The following SNX18 variants were observed in gnomAD, a reference collection of about 807,000 sequenced individuals.
SNX18 encodes sorting nexin 18.
In SNX18, 35 loss-of-function variants were observed where a neutral mutation model predicts 48.7. That is an observed-to-expected ratio of 0.72 (90% CI 0.55 to 0.95). The LOEUF is 0.95. Among genes scored for constraint, SNX18 ranks in the 40% least tolerant of loss-of-function variants. The pLI is 0.00. For missense variants in SNX18, 824 were observed against 871.0 expected, an observed-to-expected ratio of 0.95 and a Z score of 0.68; for synonymous variants, 492 against 384.7, an observed-to-expected ratio of 1.28 and a Z score of -3.26.
chr5:54,571,231 G>A, the SNX18 span, among the ~76,000 whole-genome samples: 2 of 152,082 alleles, frequency 1.3e-5, no homozygotes, highest in Non-Finnish European at 2.9e-5. Context: ...AAGGAGCCAG[G>A]GCACCCCTCC....
chr5:54,521,888 A>G (rs935424847), intron 1 of SNX18, among the ~76,000 whole-genome samples: 4 of 152,124 alleles, frequency 2.6e-5, no homozygotes, highest in Admixed American at 2.0e-4. Flanking sequence ...TTTTTAAATT[A>G]TAGAACTGGA....
the SNX18 span, among the ~76,000 whole-genome samples, chr5:54,574,999 A>C: frequency 1.3e-5 from 2 of 152,308 alleles, no homozygotes; most frequent in East Asian, 3.9e-4. Context: ...CTGCCACAGC[A>C]GTGTTTTTGG....
At chr5:54,598,701 C>G in the SNX18 span, among the ~76,000 whole-genome samples, 7 of 152,182 alleles carry the variant, frequency 4.6e-5, no homozygotes, top group South Asian at 4.1e-4. Context: ...TTAAAAAACT[C>G]TCAATAAACT....
At chr5:54,565,297 C>T in the SNX18 span, among the ~76,000 whole-genome samples, 1 of 152,062 alleles carries the variant, frequency 6.6e-6, no homozygotes. Flanking sequence ...GAGTCCATCC[C>T]GTAGAAAGAA....
At chr5:54,532,572 T>G (rs1471031904) in intron 1 of SNX18, among the ~76,000 whole-genome samples, 3 of 152,180 alleles carry the variant, frequency 2.0e-5, no homozygotes, top group Admixed American at 6.5e-5. Context: ...TGGTTTTCTT[T>G]CTTACTCTCA....
chr5:54,636,228 G>T, the SNX18 span, among the ~76,000 whole-genome samples: 3 of 152,070 alleles, frequency 2.0e-5, no homozygotes, highest in Non-Finnish European at 4.4e-5. Context: ...TCCCCATCAG[G>T]CCCATTCAGA....
At chr5:54,592,958 A>C in the SNX18 span, among the ~76,000 whole-genome samples, 1 of 151,950 alleles carries the variant, frequency 6.6e-6, no homozygotes, top group African/African-American at 2.4e-5. Context: ...GTGCCACCAC[A>C]CCTTGCTAAT....
At chr5:54,635,792 G>T in the SNX18 span, among the ~76,000 whole-genome samples, 1 of 152,194 alleles carries the variant, frequency 6.6e-6, no homozygotes, top group African/African-American at 2.4e-5. Flanking sequence ...ATGCTCTGCT[G>T]CTGCCATCTT....
the SNX18 span, among the ~76,000 whole-genome samples, chr5:54,607,746 A>G: frequency 6.6e-6 from 1 of 152,126 alleles, no homozygotes; most frequent in Non-Finnish European, 1.5e-5. Flanking sequence ...CAGCCTGGAC[A>G]ACATAGCAAA....
chr5:54,577,288 T>C, the SNX18 span, among the ~76,000 whole-genome samples: 3 of 152,060 alleles, frequency 2.0e-5, no homozygotes, highest in Admixed American at 1.3e-4. Context: ...CATAGGAGTA[T>C]GGAGGATGAG....
chr5:54,566,397 A>G, the SNX18 span, among the ~76,000 whole-genome samples: 1 of 152,208 alleles, frequency 6.6e-6, no homozygotes, highest in Non-Finnish European at 1.5e-5. Flanking sequence ...AACTTAAAGC[A>G]TTTAATGATT....
intron 1 of SNX18, among the ~76,000 whole-genome samples, chr5:54,533,373 C>A (rs1377669582): frequency 3.3e-5 from 5 of 152,146 alleles, no homozygotes; most frequent in Admixed American, 2.6e-4. Context: ...TAGTATGAAT[C>A]CATGCAGGAA....
At chr5:54,571,148 G>A in the SNX18 span, among the ~76,000 whole-genome samples, 2 of 151,796 alleles carry the variant, frequency 1.3e-5, no homozygotes, top group African/African-American at 2.4e-5. Context: ...CTCAAGTTCA[G>A]TTTTCTGTTT....
At chr5:54,540,822 A>G (rs1299392222) in intron 1 of SNX18, among the ~76,000 whole-genome samples, 1 of 83,812 alleles carries the variant, frequency 1.2e-5, no homozygotes, top group African/African-American at 4.8e-5. Context: ...GGTCCTTAGC[A>G]TTTGAACATG....
chr5:54,564,839 CAG>C, the SNX18 span, among the ~76,000 whole-genome samples: 1 of 152,226 alleles, frequency 6.6e-6, no homozygotes, highest in Non-Finnish European at 1.5e-5. Context: ...GCCTAGGCAA[CAG>C]AGAGACTCCG....
In SNX18 at chr5:54,518,206, G is replaced by C; in HGVS notation, c.254G>C (p.Gly85Ala). 1.4e-6 allele frequency: 2 copies of C among 1,397,102 alleles called. No individual in the cohort carries two copies. Among genetic ancestry groups the C allele is most frequent in the Middle Eastern group, 4.5e-4 (2 of 4,482 alleles). The allele number at this position is 1,397,102 out of a possible 1,614,324, so 86.5% of individuals were successfully genotyped here. A position where few individuals can be genotyped will look rare whatever the true frequency, so the allele number is the denominator to read the frequency against. The change falls in exon 1 of 2, where the codon GGC (glycine) becomes GCC (alanine). Residue 85 changes from glycine (G) to alanine (A), a missense_variant. Physicochemically the swap from Gly to Ala is moderately conservative, Grantham distance 60 (BLOSUM62 0). Coordinates refer to ENST00000381410, the MANE Select transcript of SNX18 (RefSeq NM_001102575.2). ...CGCTACGCCAATGTGCCCCCCGGGG[G>C]CTTCGAGCCCCTGCCTGTCGCGCCC... The part of the protein sequence containing the change: ...PARYANVPPG[G>A]FEPLPVAPPA...
chr5:54,582,708 C>T, the SNX18 span, among the ~76,000 whole-genome samples: 1 of 152,140 alleles, frequency 6.6e-6, no homozygotes, highest in Non-Finnish European at 1.5e-5. Context: ...TGAAGGATCA[C>T]TTGAGCTCAA....
At position 54,518,580 on chromosome 5, in the gene SNX18, G is replaced by C. The variant is rs371334283; in HGVS notation, c.628G>C (p.Val210Leu). 8 of 1,580,786 alleles carry C rather than the reference G, an allele frequency of 5.1e-6. No homozygotes were observed. Among genetic ancestry groups the C allele is most frequent in the Non-Finnish European group, 6.9e-6 (8 of 1,164,280 alleles). Residue 210 changes from valine to leucine, a missense_variant, in exon 1 of 2, where the codon GTC becomes CTC. By Grantham distance (32) the Val-to-Leu change is conservative. Coordinates refer to ENST00000381410, the MANE Select transcript of SNX18 (RefSeq NM_001102575.2). ...GTCCCTGGGTTCCCGCGGCGGCTCG[G>C]TCCCCCCGCAGCACCACCCGTCGGG... ...DLSLGSRGGS[V>L]PPQHHPSGPK...
At chr5:54,639,612 G>A in the SNX18 span, among the ~76,000 whole-genome samples, 2 of 32,532 alleles carry the variant, frequency 6.1e-5, no homozygotes, top group Non-Finnish European at 1.4e-4. Flanking sequence ...TATTTTTCAC[G>A]AGAATCTTGA....
Sources: gnomAD v4.1 joint callset for allele counts (sites outside exome capture counted in the v4.1 genomes callset) on GRCh38, gnomAD v4.1.1 for gene constraint, MANE v1.5 for transcripts, NCBI Gene and HGNC (gene_info 2026-07-23, HGNC 2026-07-21) for gene names.